Variants in KPNA4 observed in about 807,000 individuals in gnomAD.
The protein encoded by KPNA4 is importin subunit alpha-3.
KPNA4 carries 13 observed loss-of-function variants against 71.3 expected under a neutral mutation model. That is an observed-to-expected ratio of 0.18 (90% confidence interval 0.12 to 0.29). KPNA4 has a LOEUF of 0.29. Ranked by LOEUF, KPNA4 falls within the 10% of genes least tolerant of loss-of-function variation. KPNA4 has a pLI of 1.00. For synonymous variants in KPNA4, 189 were observed against 195.2 expected, an observed-to-expected ratio of 0.97 and a Z score of 0.26; for missense variants, 334 against 603.2, an observed-to-expected ratio of 0.55 and a Z score of 4.67.
chr3:160,551,257 GCATACAAGCCACA>G (rs1328373283), intron 1 of KPNA4, among the ~76,000 whole-genome samples: 16 of 152,188 alleles, frequency 1.1e-4, no homozygotes, highest in Admixed American at 2.6e-4. Context: ...CAAGTTGTTG[GCATACAAGCCACA>G]CATATCCTTT....
chr3:160,505,147 C>A (rs534560852), intron 15 of KPNA4, 95 bp from the exon 16 acceptor site: 1 of 545,054 alleles, frequency 1.8e-6, no homozygotes, highest in East Asian at 3.7e-5. Context: ...ATTTCTGAAT[C>A]GCAAATTTTT....
intron 13 of KPNA4, among the ~76,000 whole-genome samples, chr3:160,511,167 G>A (rs951362243): frequency 2.0e-5 from 3 of 151,436 alleles, no homozygotes; most frequent in South Asian, 2.1e-4. Context: ...GTGCAGTGGC[G>A]CAATCTTGGC....
chr3:160,539,942 A>G lies in KPNA4; in HGVS notation c.70-3102T>C, dbSNP rs369481068. Reference sequence around the variant, plus strand: ...TTACTCCAAAAAATTTTCTCCCATTATATTACATCTCATTTATTAAATCCA... The same window carrying G: ...TTACTCCAAAAAATTTTCTCCCATTGTATTACATCTCATTTATTAAATCCA... On this transcript the variant is annotated intron_variant, in intron 1 of 16. Coordinates refer to ENST00000334256, the MANE Select transcript of KPNA4 (RefSeq NM_002268.5). Among the ~76,000 whole-genome samples, 8 of 150,382 alleles carry G rather than the reference A, an allele frequency of 5.3e-5. No homozygotes were observed. The East Asian group carries it at 1.4e-3, about 26-fold the overall frequency.
intron 15 of KPNA4, among the ~76,000 whole-genome samples, chr3:160,505,485 C>T: frequency 6.6e-6 from 1 of 151,988 alleles, no homozygotes; most frequent in East Asian, 1.9e-4. Context: ...CTTAAGATAC[C>T]TGTTAAGTTT....
chr3:160,535,468 T>C, intron 5 of KPNA4, 45 bp downstream of exon 5: 2 of 1,449,512 alleles, frequency 1.4e-6, no homozygotes, highest in Non-Finnish European at 1.9e-6. Context: ...ATAGAACCCC[T>C]GTGTAAGTTG....
intron 1 of KPNA4, among the ~76,000 whole-genome samples, chr3:160,560,690 C>T (rs1317365): frequency 0.64 from 97,360 of 151,750 alleles, 32,560 homozygotes; most frequent in African/African-American, 0.82. Flanking sequence ...TTAGTGACTA[C>T]GAAAAATAAG....
intron 1 of KPNA4, among the ~76,000 whole-genome samples, chr3:160,551,947 G>T (rs550428397): frequency 1.4e-5 from 2 of 143,400 alleles, no homozygotes; most frequent in African/African-American, 2.5e-5. Context: ...ACTGGGGGGG[G>T]GGGGGTGATG....
chr3:160,509,297 TG>T (rs1286247628), intron 14 of KPNA4, among the ~76,000 whole-genome samples: 1 of 152,236 alleles, frequency 6.6e-6, no homozygotes, highest in Non-Finnish European at 1.5e-5. Context: ...TTATTGTTGC[TG>T]TCTTTTTACT....
intron 10 of KPNA4, among the ~76,000 whole-genome samples, chr3:160,522,398 T>C (rs567610768): frequency 6.6e-6 from 1 of 152,356 alleles, no homozygotes; most frequent in Admixed American, 6.5e-5. Flanking sequence ...GTATTCATAT[T>C]GTAGTATAAA....
chr3:160,521,285 C>T lies in KPNA4; in HGVS notation c.903+494G>A, dbSNP rs564538522. On this transcript the variant is annotated intron_variant, in intron 11 of 16. Coordinates refer to ENST00000334256, the MANE Select transcript of KPNA4 (RefSeq NM_002268.5). Reference sequence around the variant, plus strand: ...ATGCCATGCATGTTGCTATAATGAACTTCCCTGGTCTACATTAAAAATCAG... The same window carrying T: ...ATGCCATGCATGTTGCTATAATGAATTTCCCTGGTCTACATTAAAAATCAG... 1.2e-4 allele frequency among the ~76,000 whole-genome samples: 18 copies of T among 152,240 alleles called. No individual in the cohort carries two copies. In the South Asian group the frequency reaches 3.5e-3, roughly 30 times the overall value.
intron 16 of KPNA4, among the ~76,000 whole-genome samples, chr3:160,503,579 C>CT (rs1720923025): frequency 6.6e-6 from 1 of 152,112 alleles, no homozygotes; most frequent in African/African-American, 2.4e-5. Context: ...CTAAAGGCTC[C>CT]TTTTGGAAAT....
chr3:160,531,432 TA>T (rs566304499), intron 6 of KPNA4, 29 bp downstream of exon 6: 139,329 of 859,726 alleles, frequency 0.16, no homozygotes, highest in East Asian at 0.2. Flanking sequence ...CATTCTAAAT[TA>T]AAAAAAAAAA....
chr3:160,555,007 A>G (rs1353501212), intron 1 of KPNA4, among the ~76,000 whole-genome samples: 1 of 152,244 alleles, frequency 6.6e-6, no homozygotes, highest in Non-Finnish European at 1.5e-5. Flanking sequence ...GAGGCAGAAG[A>G]CATAACCTGT....
At chr3:160,512,157 C>T (rs1011750900) in intron 13 of KPNA4, among the ~76,000 whole-genome samples, 9 of 152,120 alleles carry the variant, frequency 5.9e-5, no homozygotes, top group East Asian at 1.9e-4. Context: ...CCTTAAACAC[C>T]ATTCTCTACA....
intron 10 of KPNA4, among the ~76,000 whole-genome samples, chr3:160,524,667 A>T (rs1313465978): frequency 6.6e-6 from 1 of 152,178 alleles, no homozygotes; most frequent in African/African-American, 2.4e-5. Context: ...TCAAAGCAAA[A>T]TATTGAAATT....
At chr3:160,519,801 C>CAAAAAAAAAAAAAAAAAAAAAA (rs558355699) in intron 11 of KPNA4, among the ~76,000 whole-genome samples, 1 of 83,692 alleles carries the variant, frequency 1.2e-5, no homozygotes, top group African/African-American at 4.5e-5. Context: ...GACTCCGTCT[C>CAAAAAAAAAAAAAAAAAAAAAA]AAAAAAAAAA....
chr3:160,537,574 A>T (rs1461991819), intron 1 of KPNA4, among the ~76,000 whole-genome samples: 1 of 150,736 alleles, frequency 6.6e-6, no homozygotes, highest in Non-Finnish European at 1.5e-5. Context: ...TTTTACATAC[A>T]GGTTCACCTT....
At chr3:160,529,686 T>G (rs2108551537) in intron 7 of KPNA4, among the ~76,000 whole-genome samples, 1 of 152,180 alleles carries the variant, frequency 6.6e-6, no homozygotes, top group African/African-American at 2.4e-5. Flanking sequence ...CAAATACTAT[T>G]CATGAAGACA....
chr3:160,539,434 G>A (rs958792606), intron 1 of KPNA4, among the ~76,000 whole-genome samples: 6 of 152,092 alleles, frequency 3.9e-5, no homozygotes, highest in Admixed American at 6.6e-5. Flanking sequence ...TAAGAAAACT[G>A]AGGCTTAGAG....
Sources: gnomAD v4.1 joint callset for allele counts (sites outside exome capture counted in the v4.1 genomes callset) on GRCh38, gnomAD v4.1.1 for gene constraint, MANE v1.5 for transcripts, NCBI Gene and HGNC (gene_info 2026-07-23, HGNC 2026-07-21) for gene names.